The following GPHN variants were observed in gnomAD, a reference collection of about 807,000 sequenced individuals.
GPHN encodes gephyrin.
A neutral mutation model predicts 95.5 loss-of-function variants in GPHN; 17 were observed. The observed-to-expected ratio is 0.18, with a 90% CI of 0.12 to 0.27. The LOEUF (loss-of-function observed/expected upper bound fraction) is 0.27, where lower values mean the gene tolerates loss of function less well. Ranked by LOEUF, GPHN falls within the 10% of genes least tolerant of loss-of-function variation. GPHN has a pLI of 1.00. For synonymous variants in GPHN, 320 were observed against 322.5 expected, an observed-to-expected ratio of 0.99 and a Z score of 0.08; for missense variants, 660 against 978.1, an observed-to-expected ratio of 0.67 and a Z score of 4.34.
At chr14:67,559,798 A>C in the GPHN span, 1 of 717,444 alleles carries the variant, frequency 1.4e-6, no homozygotes. Context: ...GCTGACCTTC[A>C]TTCTGTCCAG....
chr14:67,074,011 A>G (rs1711608697), intron 11 of GPHN, among the ~76,000 whole-genome samples: 1 of 152,156 alleles, frequency 6.6e-6, no homozygotes, highest in Admixed American at 6.5e-5. Flanking sequence ...GCAGTACACC[A>G]AAGTTTTGTC....
chr14:67,077,862 C>T (rs2153661223), intron 11 of GPHN, among the ~76,000 whole-genome samples: 1 of 152,238 alleles, frequency 6.6e-6, no homozygotes, highest in South Asian at 2.1e-4. Context: ...ATGTATCAGC[C>T]AGTCTTTTTC....
At chr14:67,021,076 A>C (rs554182953) in intron 9 of GPHN, among the ~76,000 whole-genome samples, 9 of 152,252 alleles carry the variant, frequency 5.9e-5, no homozygotes, top group Admixed American at 3.3e-4. Flanking sequence ...TTCATTTTGA[A>C]ATTGTATAAA....
intron 9 of GPHN, among the ~76,000 whole-genome samples, chr14:66,980,545 TTTAA>T (rs1224431353): frequency 2.0e-5 from 3 of 152,284 alleles, no homozygotes; most frequent in South Asian, 2.1e-4. Context: ...ATAATTTCAG[TTTAA>T]TTATTCTCTA....
At chr14:67,273,552 T>C in the GPHN span, among the ~76,000 whole-genome samples, 1 of 152,214 alleles carries the variant, frequency 6.6e-6, no homozygotes, top group African/African-American at 2.4e-5. Context: ...TTCCAAGTCT[T>C]TGCTATTGTG....
chr14:66,935,017 G>A (rs1378657769), intron 8 of GPHN, among the ~76,000 whole-genome samples: 1 of 152,178 alleles, frequency 6.6e-6, no homozygotes, highest in Non-Finnish European at 1.5e-5. Context: ...AGGATAGAGG[G>A]TTGGAAAATG....
chr14:67,731,555 C>G, the GPHN span, among the ~76,000 whole-genome samples: 1 of 151,758 alleles, frequency 6.6e-6, no homozygotes, highest in East Asian at 1.9e-4. Flanking sequence ...ACTCTAGAGT[C>G]TGAGTGTTTA....
the GPHN span, among the ~76,000 whole-genome samples, chr14:67,319,805 G>A: frequency 9.9e-5 from 15 of 152,134 alleles, no homozygotes; most frequent in African/African-American, 2.7e-4. Context: ...TGTAAATGTC[G>A]GTCTATGCTA....
intron 17 of GPHN, among the ~76,000 whole-genome samples, chr14:67,130,388 C>T (rs1005363425): frequency 3.3e-5 from 5 of 152,126 alleles, no homozygotes; most frequent in Admixed American, 2.6e-4. Flanking sequence ...TCTGTTCCTG[C>T]ATTAATTCAG....
intron 10 of GPHN, among the ~76,000 whole-genome samples, chr14:67,038,377 A>G (rs1396107145): frequency 6.6e-6 from 1 of 152,142 alleles, no homozygotes; most frequent in Non-Finnish European, 1.5e-5. Context: ...CAGTTGTACA[A>G]TAATATGCAT....
At chr14:66,856,205 GC>G (rs541635298) in intron 4 of GPHN, among the ~76,000 whole-genome samples, 353 of 152,210 alleles carry the variant, frequency 2.3e-3, no homozygotes, top group African/African-American at 8.2e-3. Flanking sequence ...AAAATAACTT[GC>G]CATATGGAAG....
the GPHN span, among the ~76,000 whole-genome samples, chr14:67,633,513 C>T: frequency 2.0e-5 from 3 of 152,194 alleles, no homozygotes; most frequent in African/African-American, 7.2e-5. Flanking sequence ...CCCAAACTGA[C>T]CTTATCATCT....
At chr14:66,815,200 C>G (rs2060915541) in intron 3 of GPHN, among the ~76,000 whole-genome samples, 1 of 152,140 alleles carries the variant, frequency 6.6e-6, no homozygotes, top group Admixed American at 6.5e-5. Flanking sequence ...TGATTGGTGT[C>G]TCTGAAAGAG....
the GPHN span, among the ~76,000 whole-genome samples, chr14:67,343,839 G>A: frequency 6.6e-6 from 1 of 152,228 alleles, no homozygotes; most frequent in African/African-American, 2.4e-5. Context: ...TTGGGTGACA[G>A]AGTAAGACCC....
At chr14:67,656,369 C>G in the GPHN span, 1 of 1,476,246 alleles carries the variant, frequency 6.8e-7, no homozygotes. Context: ...TGCAGTGGCC[C>G]CCTAATTACC....
chr14:67,506,656 T>C, the GPHN span, among the ~76,000 whole-genome samples: 2 of 151,972 alleles, frequency 1.3e-5, no homozygotes, highest in Admixed American at 6.6e-5. Flanking sequence ...GAAATGAAAA[T>C]AGAAGGAATG....
intron 4 of GPHN, among the ~76,000 whole-genome samples, chr14:66,864,861 A>T (rs2063168814): frequency 6.6e-6 from 1 of 152,164 alleles, no homozygotes; most frequent in African/African-American, 2.4e-5. Flanking sequence ...AAGGTGTGGA[A>T]TCAACCTAAG....
At chr14:66,990,905 A>T (rs921752137) in intron 9 of GPHN, among the ~76,000 whole-genome samples, 1 of 151,848 alleles carries the variant, frequency 6.6e-6, no homozygotes, top group Non-Finnish European at 1.5e-5. Flanking sequence ...AGAAGGTTTG[A>T]CATCATTCAG....
In GPHN at chr14:66,837,894, C is replaced by T. The variant is rs534649691; in HGVS notation, c.294+13328C>T. Among the ~76,000 whole-genome samples, 14 of 151,912 alleles carry T rather than the reference C, an allele frequency of 9.2e-5. No homozygotes were observed. In the East Asian group the frequency reaches 1.9e-3, roughly 21 times the overall value. ...CAGCTTTTATGGGGCCCTATGGATA[C>T]GAGAGATCATATGTTAAATAAACAT... On this transcript the variant is annotated intron_variant, in intron 4 of 22. Coordinates refer to ENST00000478722, the MANE Select transcript of GPHN (RefSeq NM_020806.5).
Sources: gnomAD v4.1 joint callset for allele counts (sites outside exome capture counted in the v4.1 genomes callset) on GRCh38, gnomAD v4.1.1 for gene constraint, MANE v1.5 for transcripts, NCBI Gene and HGNC (gene_info 2026-07-23, HGNC 2026-07-21) for gene names.